RIMKLA: variants seen among roughly 807,000 people sequenced by gnomAD.
RIMKLA encodes the protein ribosomal modification protein rimK like family member A, also known as N-acetylaspartylglutamate synthase A.
A neutral mutation model predicts 32.7 loss-of-function variants in RIMKLA; 14 were observed. The observed-to-expected ratio is 0.43, with a 90% CI of 0.28 to 0.67. The LOEUF is 0.67. Among genes scored for constraint, RIMKLA ranks in the 30% least tolerant of loss-of-function variants. The pLI is 0.18. For missense variants in RIMKLA, 410 were observed against 519.0 expected, an observed-to-expected ratio of 0.79 and a Z score of 2.04; for synonymous variants, 176 against 204.1, an observed-to-expected ratio of 0.86 and a Z score of 1.18.
At position 42,415,134 on chromosome 1, in the gene RIMKLA, G is replaced by A; in HGVS notation, c.*160G>A. ...AACGATGATTTAAGCAAATGGCCTAGCTTTGTGGTTTTTACAAAGACAAAT... is the reference window on the plus strand; with the variant it reads ...AACGATGATTTAAGCAAATGGCCTAACTTTGTGGTTTTTACAAAGACAAAT... On this transcript the variant is annotated 3_prime_UTR_variant, in exon 5 of 5. Transcript: ENST00000431473. 1 of 749,102 alleles carries A rather than the reference G, an allele frequency of 1.3e-6. No individual in the cohort carries two copies. Among genetic ancestry groups the A allele is most frequent in the Non-Finnish European group, 2.1e-6 (1 of 473,296 alleles). 46.4% of individuals were successfully genotyped at this position (749,102 alleles called of 1,614,324 possible).
At chr1:42,384,475 A>G (rs911801274) in intron 1 of RIMKLA, among the ~76,000 whole-genome samples, 3 of 146,782 alleles carry the variant, frequency 2.0e-5, no homozygotes, top group Non-Finnish European at 3.0e-5. Flanking sequence ...ATAGCCATAT[A>G]TGTGTGTGTG....
rs781663835 is a variant in RIMKLA, at chr1:42,407,723, T to C, written c.482-2261T>C. On this transcript the variant is annotated intron_variant, in intron 3 of 4. Coordinates refer to ENST00000431473, the MANE Select transcript of RIMKLA (RefSeq NM_173642.4). ...CCACACTGTCTTGATTACTGTAACT[T>C]TATAGTAAGTTTTGAGATTGGACCC... Among the ~76,000 whole-genome samples, 17 of 152,290 alleles carry C rather than the reference T, an allele frequency of 1.1e-4. 1 individual carries two copies. The South Asian group carries it at 3.1e-3, about 28-fold the overall frequency.
chr1:42,399,797 G>A (rs56751964), intron 2 of RIMKLA, among the ~76,000 whole-genome samples, 163 bp downstream of exon 2: 27,664 of 152,100 alleles, frequency 0.18, 2,625 homozygotes, highest in East Asian at 0.22. Flanking sequence ...ATGCCTTGGC[G>A]TCTTCCCTTC....
chr1:42,386,880 C>CAAATAAATAAATAAAT lies in RIMKLA; in HGVS notation c.163+5805_163+5820dup, dbSNP rs151298858. On this transcript the variant is annotated intron_variant, in intron 1 of 4. Transcript: ENST00000431473. The stretch of plus-strand genomic sequence containing the variant: ...ACCCTGGGCGACACAGACTCCATCT[C>CAAATAAATAAATAAAT]AAATAAATAAATAAATAAATAAATA... 1.4e-3 allele frequency among the ~76,000 whole-genome samples: 173 copies of CAAATAAATAAATAAAT among 121,130 alleles called. 2 individuals carry two copies. The highest frequency in any genetic ancestry group is 2.1e-3 in the South Asian group (7 of 3,316). The allele number at this position is 121,130 out of a possible 152,430, so 79.5% of individuals were successfully genotyped here. A position where few individuals can be genotyped will look rare whatever the true frequency, so the allele number is the denominator to read the frequency against.
At chr1:42,404,637 C>CTAGTGGGCTG in intron 3 of RIMKLA, 40 bp downstream of exon 3, 1 of 1,312,590 alleles carries the variant, frequency 7.6e-7, no homozygotes. Context: ...GTAATCAGCC[C>CTAGTGGGCTG]ACTAGGGCTG....
rs1643279591 is a variant in RIMKLA, at chr1:42,419,722, T to C, written c.*4748T>C. The C allele has an allele frequency of 6.6e-6, 1 of 152,242 alleles. No individual in the cohort carries two copies. Among genetic ancestry groups the C allele is most frequent in the South Asian group, 2.1e-4 (1 of 4,830 alleles). The allele number at this position is 152,242 out of a possible 1,614,324, so 9.4% of individuals were successfully genotyped here. ...CTTCTAGGTGAGAGCCCCAAAGGCA[T>C]GTATATTTCCATGATGCAAGCTGGC... On this transcript the variant is annotated 3_prime_UTR_variant, in exon 5 of 5. Coordinates refer to ENST00000431473, the MANE Select transcript of RIMKLA (RefSeq NM_173642.4).
intron 3 of RIMKLA, among the ~76,000 whole-genome samples, chr1:42,407,281 G>T (rs1643155562): frequency 6.6e-6 from 1 of 152,076 alleles, no homozygotes; most frequent in Non-Finnish European, 1.5e-5. Flanking sequence ...CCCATAGGTT[G>T]TCTTTTCATT....
chr1:42,399,336 T>C, intron 1 of RIMKLA, 68 bp from the exon 2 acceptor site: 1 of 1,192,354 alleles, frequency 8.4e-7, no homozygotes, highest in Non-Finnish European at 1.2e-6. Flanking sequence ...AAGAGTCTGT[T>C]GGAACCATTT....
chr1:42,381,334 G>A (rs908350147), intron 1 of RIMKLA, among the ~76,000 whole-genome samples: 1 of 152,192 alleles, frequency 6.6e-6, no homozygotes, highest in Non-Finnish European at 1.5e-5. Flanking sequence ...TTTACTTAGG[G>A]GACTTCATTT....
At chr1:42,394,099 A>G (rs1643022024) in intron 1 of RIMKLA, among the ~76,000 whole-genome samples, 1 of 152,122 alleles carries the variant, frequency 6.6e-6, no homozygotes, top group South Asian at 2.1e-4. Context: ...CACGTTATTT[A>G]TATAGTTGAT....
Position 42,385,844 on chromosome 1 carries a change from C to CTTTCTTTCTT in RIMKLA, c.163+4748_163+4749insTTCTTTCTTT, listed in dbSNP as rs1553175520. Among the ~76,000 whole-genome samples the CTTTCTTTCTT allele has an allele frequency of 1.7e-3, 98 of 57,078 alleles. 9 individuals are homozygous for CTTTCTTTCTT. Among genetic ancestry groups the CTTTCTTTCTT allele is most frequent in the Middle Eastern group, 0.02 (2 of 100 alleles). The allele number at this position is 57,078 out of a possible 152,430, so 37.4% of individuals were successfully genotyped here. A position where few individuals can be genotyped will look rare whatever the true frequency, so the allele number is the denominator to read the frequency against. ...CCTTCCTTCCTTTCTTTCTTTCTTT[C>CTTTCTTTCTT]TCTTTCTTTCTTTCTTTCTTTCTTT... On this transcript the variant is annotated intron_variant, in intron 1 of 4. Coordinates refer to ENST00000431473, the MANE Select transcript of RIMKLA (RefSeq NM_173642.4).
chr1:42,405,954 G>A (rs1457787773), intron 3 of RIMKLA, among the ~76,000 whole-genome samples: 1 of 152,176 alleles, frequency 6.6e-6, no homozygotes, highest in Non-Finnish European at 1.5e-5. Context: ...AAGGAGCCTG[G>A]GTGGCAAAGT....
chr1:42,393,762 C>T (rs1643018612), intron 1 of RIMKLA, among the ~76,000 whole-genome samples: 1 of 152,120 alleles, frequency 6.6e-6, no homozygotes, highest in Non-Finnish European at 1.5e-5. Flanking sequence ...ATCTGAAGTG[C>T]TAAGTGGATT....
rs188036453 is a variant in RIMKLA at position 42,423,368 on chromosome 1, C to T, written c.*8394C>T. Among the ~76,000 whole-genome samples, 10 of 152,300 alleles carry T rather than the reference C, an allele frequency of 6.6e-5. No individual in the cohort carries two copies. Among genetic ancestry groups the T allele is most frequent in the East Asian group, 5.8e-4 (3 of 5,180 alleles). On this transcript the variant is annotated 3_prime_UTR_variant, in exon 5 of 5. Coordinates refer to ENST00000431473, the MANE Select transcript of RIMKLA (RefSeq NM_173642.4). ...GAATAGTAAACTCCCCAGAAAAGGACGTTTCCATTTGCCTTTACCACATAT... is the reference window on the plus strand; with the variant it reads ...GAATAGTAAACTCCCCAGAAAAGGATGTTTCCATTTGCCTTTACCACATAT...
At chr1:42,398,580 T>A (rs1643067163) in intron 1 of RIMKLA, among the ~76,000 whole-genome samples, 1 of 152,208 alleles carries the variant, frequency 6.6e-6, no homozygotes, top group Admixed American at 6.5e-5. Flanking sequence ...TTGTATCTGT[T>A]TATATAGTGG....
intron 1 of RIMKLA, among the ~76,000 whole-genome samples, chr1:42,382,117 T>C (rs1271189047): frequency 6.6e-6 from 1 of 152,256 alleles, no homozygotes; most frequent in Non-Finnish European, 1.5e-5. Flanking sequence ...ATTTTGAATA[T>C]GACCTGTTTC....
chr1:42,397,066 A>G (rs1643054237), intron 1 of RIMKLA, among the ~76,000 whole-genome samples: 1 of 152,198 alleles, frequency 6.6e-6, no homozygotes, highest in African/African-American at 2.4e-5. Flanking sequence ...GATAACTTGG[A>G]TGCTGTTTAT....
rs1261281493 is a variant in RIMKLA, at chr1:42,420,158, AGATTTCTGT to A, written c.*5192_*5200del. ...AACTGGGCTCTGTTTCTGAACCTCTAGATTTCTGTGATTTCTCAAAGACTTATATTTTTG... is the reference window on the plus strand; with the variant it reads ...AACTGGGCTCTGTTTCTGAACCTCTAGATTTCTCAAAGACTTATATTTTTG... On this transcript the variant is annotated 3_prime_UTR_variant, in exon 5 of 5. Transcript: ENST00000431473. 6.6e-6 allele frequency: 1 copy of A among 152,216 alleles called. No individual in the cohort carries two copies. The highest frequency in any genetic ancestry group is 6.5e-5 in the Admixed American group (1 of 15,280). 9.4% of individuals were successfully genotyped at this position (152,216 alleles called of 1,614,324 possible).
chr1:42,389,929 A>G (rs896000267), intron 1 of RIMKLA, among the ~76,000 whole-genome samples: 3 of 152,096 alleles, frequency 2.0e-5, no homozygotes, highest in Non-Finnish European at 4.4e-5. Flanking sequence ...GGTAGAAAAG[A>G]GTGAATATAA....
Sources: allele counts gnomAD v4.1 joint callset (sites outside exome capture counted in the v4.1 genomes callset), GRCh38; gene constraint gnomAD v4.1.1; transcripts MANE v1.5; gene names NCBI Gene and HGNC (gene_info 2026-07-23, HGNC 2026-07-21).